Variants in ZDHHC14 observed in about 807,000 individuals in gnomAD.
ZDHHC14 encodes the protein zDHHC palmitoyltransferase 14.
Under a neutral mutation model 47.7 loss-of-function variants are expected in ZDHHC14, and 16 were observed. The observed-to-expected ratio is 0.34, with a 90% CI of 0.23 to 0.51. The LOEUF is 0.51. ZDHHC14 is among the 20% of genes least tolerant of loss of function. ZDHHC14 has a pLI of 0.97. For synonymous variants in ZDHHC14, 293 were observed against 278.9 expected (o/e 1.05, Z -0.50); for missense variants, 515 against 662.5 (o/e 0.78, Z 2.44).
chr6:157,476,194 T>G (rs1372457316), intron 1 of ZDHHC14, among the ~76,000 whole-genome samples: 1 of 152,008 alleles, frequency 6.6e-6, no homozygotes, highest in African/African-American at 2.4e-5. Flanking sequence ...AACCTTTAGA[T>G]AGACTAAAAA....
At chr6:157,576,685 A>C (rs1783319885) in intron 2 of ZDHHC14, among the ~76,000 whole-genome samples, 1 of 152,198 alleles carries the variant, frequency 6.6e-6, no homozygotes, top group East Asian at 1.9e-4. Context: ...TCTAAAGCAA[A>C]GCACATTTGC....
intron 1 of ZDHHC14, among the ~76,000 whole-genome samples, chr6:157,522,021 AT>A (rs34084118): frequency 1.5e-4 from 23 of 150,878 alleles, no homozygotes; most frequent in African/African-American, 4.6e-4. Context: ...AACAAGTTGC[AT>A]TTTTTTTTTA....
intron 1 of ZDHHC14, among the ~76,000 whole-genome samples, chr6:157,449,260 G>A (rs562095624): frequency 7.2e-5 from 11 of 152,320 alleles, no homozygotes; most frequent in Non-Finnish European, 1.6e-4. Context: ...GCATCCATGA[G>A]TTTCCCACCA....
At chr6:157,566,361 A>C (rs1403005139) in intron 2 of ZDHHC14, among the ~76,000 whole-genome samples, 4 of 152,202 alleles carry the variant, frequency 2.6e-5, no homozygotes, top group Non-Finnish European at 5.9e-5. Context: ...AGAAACAGAA[A>C]CTGCTGTTTG....
intron 1 of ZDHHC14, among the ~76,000 whole-genome samples, chr6:157,526,476 T>C (rs1366727400): frequency 6.6e-6 from 1 of 152,214 alleles, no homozygotes; most frequent in Non-Finnish European, 1.5e-5. Flanking sequence ...GTCTTAAACG[T>C]TGGTCTACTC....
At chr6:157,605,191 G>A (rs1784490918) in intron 3 of ZDHHC14, among the ~76,000 whole-genome samples, 1 of 152,196 alleles carries the variant, frequency 6.6e-6, no homozygotes, top group African/African-American at 2.4e-5. Context: ...AAAGAGCTAT[G>A]AAATAATTTG....
intron 2 of ZDHHC14, among the ~76,000 whole-genome samples, chr6:157,558,812 A>C (rs1381497901): frequency 2.0e-5 from 3 of 152,048 alleles, no homozygotes; most frequent in African/African-American, 7.2e-5. Context: ...AAACAATAAA[A>C]CAAAGTTCAA....
At chr6:157,639,315 T>C (rs647314) in intron 5 of ZDHHC14, among the ~76,000 whole-genome samples, 62,357 of 152,066 alleles carry the variant, frequency 0.41, 14,395 homozygotes, top group Non-Finnish European at 0.52. Flanking sequence ...TCTTTTGTTG[T>C]TGTTGTTGAG....
At chr6:157,489,670 C>G (rs1779866779) in intron 1 of ZDHHC14, among the ~76,000 whole-genome samples, 1 of 152,184 alleles carries the variant, frequency 6.6e-6, no homozygotes, top group Non-Finnish European at 1.5e-5. Context: ...TGTGGCAGAT[C>G]TGCAGATGTC....
intron 8 of ZDHHC14, among the ~76,000 whole-genome samples, chr6:157,666,074 A>C (rs901995169): frequency 1.9e-4 from 29 of 152,200 alleles, no homozygotes; most frequent in African/African-American, 6.3e-4. Context: ...TGCATGACAT[A>C]CTCACGACAT....
chr6:157,541,648 T>C (rs1357346020), intron 1 of ZDHHC14, among the ~76,000 whole-genome samples: 1 of 152,228 alleles, frequency 6.6e-6, no homozygotes, highest in Non-Finnish European at 1.5e-5. Context: ...GTGGCGACAA[T>C]GGACTGACTG....
chr6:157,577,326 C>T (rs1434334970), intron 2 of ZDHHC14, among the ~76,000 whole-genome samples: 1 of 152,136 alleles, frequency 6.6e-6, no homozygotes, highest in African/African-American at 2.4e-5. Flanking sequence ...AGTGAACATA[C>T]ATGTGCATGT....
intron 3 of ZDHHC14, among the ~76,000 whole-genome samples, chr6:157,610,120 TG>T (rs1304829823): frequency 6.6e-6 from 1 of 152,202 alleles, no homozygotes; most frequent in Non-Finnish European, 1.5e-5. Flanking sequence ...ACAGCTGAAC[TG>T]GGCAGATCCC....
At chr6:157,503,013 A>G (rs572350612) in intron 1 of ZDHHC14, among the ~76,000 whole-genome samples, 2 of 152,360 alleles carry the variant, frequency 1.3e-5, no homozygotes, top group African/African-American at 4.8e-5. Flanking sequence ...AAACTACACA[A>G]CTTGTATCAG....
At chr6:157,649,119 G>A (rs1431029265) in intron 7 of ZDHHC14, among the ~76,000 whole-genome samples, 1 of 152,218 alleles carries the variant, frequency 6.6e-6, no homozygotes, top group East Asian at 1.9e-4. Context: ...TTTGGGTGGG[G>A]CATTTCTTGA....
At chr6:157,664,864 C>G (rs991062324) in intron 8 of ZDHHC14, among the ~76,000 whole-genome samples, 2 of 151,074 alleles carry the variant, frequency 1.3e-5, no homozygotes, top group Non-Finnish European at 3.0e-5. Flanking sequence ...GCCTACAGCC[C>G]TTGGAACCTC....
At position 157,458,849 on chromosome 6, in the gene ZDHHC14, ATTTTTTT is replaced by A. The variant is rs750975822; in HGVS notation, c.245+76599_245+76605del. ...TACAGGTACTAGCAAATGTGGGTGG[ATTTTTTT>A]TTTTTTTTTTTTTTTGAGACGGAGT... On this transcript the variant is annotated intron_variant, in intron 1 of 8. Coordinates refer to ENST00000359775, the MANE Select transcript of ZDHHC14 (RefSeq NM_024630.3). 3.1e-3 allele frequency among the ~76,000 whole-genome samples: 248 copies of A among 81,228 alleles called. 5 individuals carry two copies. Among genetic ancestry groups the A allele is most frequent in the African/African-American group, 0.011 (232 of 21,816 alleles). The allele number at this position is 81,228 out of a possible 152,430, so 53.3% of individuals were successfully genotyped here.
chr6:157,544,732 A>G, intron 2 of ZDHHC14, among the ~76,000 whole-genome samples: 1 of 152,238 alleles, frequency 6.6e-6, no homozygotes, highest in East Asian at 1.9e-4. Flanking sequence ...CTAATCAAAA[A>G]GACTGACAAT....
At chr6:157,394,848 G>A (rs146037600) in intron 1 of ZDHHC14, among the ~76,000 whole-genome samples, 11 of 152,188 alleles carry the variant, frequency 7.2e-5, no homozygotes, top group African/African-American at 2.4e-4. Context: ...GGCATGCAGC[G>A]ATTCATGTGT....
Sources: gnomAD v4.1 joint callset for allele counts (sites outside exome capture counted in the v4.1 genomes callset) on GRCh38, gnomAD v4.1.1 for gene constraint, MANE v1.5 for transcripts, NCBI Gene and HGNC (gene_info 2026-07-23, HGNC 2026-07-21) for gene names.